Variants in ABLIM1 observed in about 807,000 individuals in gnomAD.
ABLIM1 encodes actin-binding LIM protein 1.
ABLIM1 carries 40 observed loss-of-function variants against 107.0 expected under a neutral mutation model. The ratio of observed to expected loss-of-function variants is 0.37; its 90% CI spans 0.29 to 0.49. ABLIM1 has a LOEUF of 0.49. Among genes scored for constraint, ABLIM1 ranks in the 20% least tolerant of loss-of-function variants. The probability of loss-of-function intolerance (pLI) is 0.97; values close to 1 mark genes in which losing one functional copy is unlikely to be tolerated. For synonymous variants in ABLIM1, 357 were observed against 357.3 expected, an observed-to-expected ratio of 1.00 and a Z score of 0.01; for missense variants, 857 against 1,008.5, an observed-to-expected ratio of 0.85 and a Z score of 2.04.
chr10:114,501,591 A>T (rs1923285), intron 6 of ABLIM1, among the ~76,000 whole-genome samples: 44,253 of 152,088 alleles, frequency 0.29, 7,029 homozygotes, highest in East Asian at 0.65. Flanking sequence ...CCTAATCAAA[A>T]GTTACAAAAA....
At chr10:114,549,959 T>G (rs1384531173) in intron 4 of ABLIM1, among the ~76,000 whole-genome samples, 1 of 152,224 alleles carries the variant, frequency 6.6e-6, no homozygotes, top group East Asian at 1.9e-4. Context: ...ACATTAAAAA[T>G]TCTTAAGAAA....
chr10:114,661,544 G>T (rs915572726), upstream of ABLIM1, among the ~76,000 whole-genome samples: 21 of 152,234 alleles, frequency 1.4e-4, no homozygotes, highest in Non-Finnish European at 2.9e-5. Flanking sequence ...AGTGGATTCA[G>T]GTCTTTCACT....
At chr10:114,786,234 C>G in the ABLIM1 span, among the ~76,000 whole-genome samples, 1 of 152,010 alleles carries the variant, frequency 6.6e-6, no homozygotes, top group Non-Finnish European at 1.5e-5. Context: ...AGAGTATGGT[C>G]TGAAACAAAA....
At chr10:114,539,898 AG>A (rs2066453870) in intron 6 of ABLIM1, among the ~76,000 whole-genome samples, 1 of 150,818 alleles carries the variant, frequency 6.6e-6, no homozygotes, top group Non-Finnish European at 1.5e-5. Flanking sequence ...GGGGAGGAGG[AG>A]GGGAGAAGGA....
intron 1 of ABLIM1, among the ~76,000 whole-genome samples, chr10:114,679,188 A>G (rs1470862517): frequency 6.6e-6 from 1 of 152,224 alleles, no homozygotes; most frequent in East Asian, 1.9e-4. Context: ...AGAGAAAGAA[A>G]GCAGCATGAC....
In ABLIM1 at chr10:114,568,196, CA is replaced by C. The variant is rs34861242; in HGVS notation, c.673+3100del. 4.1e-3 allele frequency among the ~76,000 whole-genome samples: 217 copies of C among 52,378 alleles called. 2 individuals carry two copies. Among genetic ancestry groups the C allele is most frequent in the South Asian group, 6.7e-3 (8 of 1,196 alleles). The allele number at this position is 52,378 out of a possible 152,430, so 34.4% of individuals were successfully genotyped here. A position where few individuals can be genotyped will look rare whatever the true frequency, so the allele number is the denominator to read the frequency against. On this transcript the variant is annotated intron_variant, in intron 4 of 22. Coordinates refer to ENST00000533213, the MANE Select transcript of ABLIM1 (RefSeq NM_002313.7). ...TGGGCGACAGAGCAAGACTCCGTCT[CA>C]AAAAAAAAAAAAAAAAAAAAAGGCT... is the stretch of plus-strand genomic sequence containing the variant.
intron 6 of ABLIM1, among the ~76,000 whole-genome samples, chr10:114,523,195 T>G (rs1565804340): frequency 6.6e-6 from 1 of 151,480 alleles, no homozygotes; most frequent in East Asian, 1.9e-4. Flanking sequence ...TGGGGTTGGT[T>G]TGTGAACCAA....
intron 1 of ABLIM1, among the ~76,000 whole-genome samples, chr10:114,713,041 C>A (rs1480401012): frequency 1.3e-5 from 2 of 152,082 alleles, no homozygotes; most frequent in East Asian, 1.9e-4. Flanking sequence ...AGAGCAAGAC[C>A]CTGTCTCTTA....
intron 2 of ABLIM1, among the ~76,000 whole-genome samples, chr10:114,594,605 C>G (rs1353348081): frequency 6.6e-6 from 1 of 152,102 alleles, no homozygotes; most frequent in African/African-American, 2.4e-5. Context: ...CAAAAATTAT[C>G]TGGGCATGGT....
At chr10:114,522,184 G>A (rs936567887) in intron 6 of ABLIM1, among the ~76,000 whole-genome samples, 8 of 152,142 alleles carry the variant, frequency 5.3e-5, no homozygotes, top group Non-Finnish European at 7.4e-5. Context: ...GCCAGGAGAA[G>A]ATATTTCAAC....
At chr10:114,643,294 G>A (rs986494580) in intron 1 of ABLIM1, among the ~76,000 whole-genome samples, 2 of 152,202 alleles carry the variant, frequency 1.3e-5, no homozygotes, top group Admixed American at 6.5e-5. Flanking sequence ...AGACAACTAT[G>A]AGAGTGCTGT....
chr10:114,755,480 T>C (rs73373754), intron 1 of ABLIM1, among the ~76,000 whole-genome samples: 4,891 of 152,318 alleles, frequency 0.032, 261 homozygotes, highest in African/African-American at 0.11. Flanking sequence ...AGGCGGGGAC[T>C]ATACCTTACT....
intron 1 of ABLIM1, among the ~76,000 whole-genome samples, chr10:114,721,545 G>C (rs905564201): frequency 1.3e-5 from 2 of 152,018 alleles, no homozygotes; most frequent in Admixed American, 1.3e-4. Flanking sequence ...GCAGTGGCAG[G>C]ATCTCGGCTC....
chr10:114,583,590 G>A (rs893462023), intron 2 of ABLIM1, among the ~76,000 whole-genome samples: 1 of 148,982 alleles, frequency 6.7e-6, no homozygotes, highest in African/African-American at 2.5e-5. Context: ...AAATGGAACT[G>A]CCATTCAACC....
intron 1 of ABLIM1, among the ~76,000 whole-genome samples, chr10:114,751,658 T>C (rs1014744122): frequency 1.3e-5 from 2 of 151,322 alleles, no homozygotes; most frequent in African/African-American, 4.9e-5. Context: ...GCTGAGGCAG[T>C]TGAGTCACCT....
chr10:114,481,894 C>T (rs963168904), intron 8 of ABLIM1, among the ~76,000 whole-genome samples: 1 of 152,182 alleles, frequency 6.6e-6, no homozygotes, highest in East Asian at 1.9e-4. Context: ...TCTTGACAGA[C>T]ATAAAGCCTC....
At chr10:114,615,363 GC>G (rs1351150050) in intron 1 of ABLIM1, among the ~76,000 whole-genome samples, 1 of 152,100 alleles carries the variant, frequency 6.6e-6, no homozygotes. Flanking sequence ...CTGTTTGCGA[GC>G]CCAGCTCCCT....
chr10:114,706,707 C>T (rs896017537), intron 1 of ABLIM1, among the ~76,000 whole-genome samples: 2 of 152,200 alleles, frequency 1.3e-5, no homozygotes, highest in African/African-American at 4.8e-5. Flanking sequence ...CAAGAGATAA[C>T]CTTTCAGGGC....
chr10:114,777,647 T>A, the ABLIM1 span, among the ~76,000 whole-genome samples: 7 of 152,326 alleles, frequency 4.6e-5, no homozygotes, highest in South Asian at 1.5e-3. Flanking sequence ...GCCTCCTGCA[T>A]CACCCAAGCA....
Sources: allele counts gnomAD v4.1 joint callset (sites outside exome capture counted in the v4.1 genomes callset), GRCh38; gene constraint gnomAD v4.1.1; transcripts MANE v1.5; gene names NCBI Gene and HGNC (gene_info 2026-07-23, HGNC 2026-07-21).